The following YBEY variants were observed in gnomAD, a reference collection of about 807,000 sequenced individuals.
YBEY encodes the protein ybeY metalloendoribonuclease.
In YBEY, 15 loss-of-function variants were observed where a neutral mutation model predicts 13.5. That is an observed-to-expected ratio of 1.11 (90% CI 0.75 to 1.72). YBEY has a LOEUF of 1.72. YBEY is among the 40% of genes most tolerant of loss of function. YBEY has a pLI of 0.00. For synonymous variants in YBEY, 101 were observed against 83.1 expected, an observed-to-expected ratio of 1.21 and a Z score of -1.17; for missense variants, 244 against 208.4, an observed-to-expected ratio of 1.17 and a Z score of -1.05.
chr21:46,297,396 T>G, intron 4 of YBEY, 143 bp from the exon 5 acceptor site: 1 of 518,128 alleles, frequency 1.9e-6, no homozygotes, highest in Non-Finnish European at 2.5e-6. Flanking sequence ...CGGAGCCGGG[T>G]CCCGCCTTCG....
downstream of YBEY, among the ~76,000 whole-genome samples, chr21:46,298,642 G>A (rs556680416): frequency 4.8e-4 from 73 of 151,930 alleles, no homozygotes; most frequent in Admixed American, 7.9e-4. Flanking sequence ...TGTTAGCCAG[G>A]ATGGTCTCCA....
At chr21:46,290,728 A>C (rs1234599818) in intron 2 of YBEY, among the ~76,000 whole-genome samples, 1 of 150,248 alleles carries the variant, frequency 6.7e-6, no homozygotes, top group Admixed American at 6.7e-5. Context: ...GACCCATATG[A>C]TGAAACCCCA....
At chr21:46,295,649 G>A (rs10854481) in intron 3 of YBEY, among the ~76,000 whole-genome samples, 1 of 151,822 alleles carries the variant, frequency 6.6e-6, no homozygotes, top group African/African-American at 2.4e-5. Context: ...TACCTCTCCC[G>A]CACTCCCTGT....
At chr21:46,303,733 A>AT in the YBEY span, among the ~76,000 whole-genome samples, 1 of 32,232 alleles carries the variant, frequency 3.1e-5, no homozygotes, top group Non-Finnish European at 5.7e-5. Context: ...ATATATATAT[A>AT]TATATATATA....
downstream of YBEY, chr21:46,297,890 T>A: frequency 1.3e-6 from 1 of 789,658 alleles, no homozygotes; most frequent in Non-Finnish European, 1.7e-6. Flanking sequence ...TTCAAGGGGG[T>A]CCCTGCCCGG....
intron 3 of YBEY, among the ~76,000 whole-genome samples, chr21:46,293,181 G>C (rs2081808506): frequency 1.1e-5 from 1 of 87,622 alleles, no homozygotes; most frequent in Non-Finnish European, 2.6e-5. Flanking sequence ...TCCTCCCGCG[G>C]TTAGCCTGAC....
At chr21:46,296,548 T>G (rs1361434539) in intron 4 of YBEY, among the ~76,000 whole-genome samples, 1 of 152,146 alleles carries the variant, frequency 6.6e-6, no homozygotes, top group Non-Finnish European at 1.5e-5. Context: ...GAGCTCTGCG[T>G]GGAGTGAGTT....
At chr21:46,298,115 C>T (rs1368167779), downstream of YBEY, among the ~76,000 whole-genome samples, 1 of 152,262 alleles carries the variant, frequency 6.6e-6, no homozygotes, top group Non-Finnish European at 1.5e-5. Flanking sequence ...CCACGGACAC[C>T]GCTCTAGCCA....
chr21:46,294,702 C>G (rs2081889673), intron 3 of YBEY, among the ~76,000 whole-genome samples: 1 of 152,090 alleles, frequency 6.6e-6, no homozygotes, highest in South Asian at 2.1e-4. Flanking sequence ...AGTCAGCCAC[C>G]CCAGACCTCT....
downstream of YBEY, chr21:46,300,230 GA>G (rs2082070498): frequency 6.5e-6 from 1 of 152,742 alleles, no homozygotes; most frequent in African/African-American, 2.4e-5. Context: ...AGGAAATCAA[GA>G]CCATCCTGGC....
At chr21:46,312,390 C>T in the YBEY span, among the ~76,000 whole-genome samples, 7,828 of 152,216 alleles carry the variant, frequency 0.051, 289 homozygotes, top group Admixed American at 0.093. Flanking sequence ...ACAACCTCAG[C>T]TCACTGCAAC....
chr21:46,290,756 A>C (rs1166370037), intron 2 of YBEY, among the ~76,000 whole-genome samples: 1 of 150,746 alleles, frequency 6.6e-6, no homozygotes, highest in African/African-American at 2.4e-5. Flanking sequence ...TAAAAAATAC[A>C]AAAATTAGGC....
intron 3 of YBEY, chr21:46,291,708 T>C: frequency 1.6e-6 from 2 of 1,273,652 alleles, no homozygotes; most frequent in South Asian, 3.7e-5. Flanking sequence ...CTTCTCAGCT[T>C]TTATCTCTGG....
chr21:46,306,771 A>G, the YBEY span, among the ~76,000 whole-genome samples: 1 of 152,074 alleles, frequency 6.6e-6, no homozygotes, highest in African/African-American at 2.4e-5. Context: ...ATTTTTTTGT[A>G]GAGATGGAGT....
rs879543298 is a variant in YBEY, at chr21:46,288,878, C to T, written c.210+1755C>T. Reference sequence around the variant, plus strand: ...ACAAAAAATAAAAACAACAATTAGCCGGGCATGGTGGTGTGCAGAGCTGTC... The same window carrying T: ...ACAAAAAATAAAAACAACAATTAGCTGGGCATGGTGGTGTGCAGAGCTGTC... On this transcript the variant is annotated intron_variant, in intron 2 of 4. Transcript: ENST00000397701. 4.0e-5 allele frequency among the ~76,000 whole-genome samples: 6 copies of T among 151,894 alleles called. 1 individual carries two copies. Among genetic ancestry groups the T allele is most frequent in the East Asian group, 1.9e-4 (1 of 5,170 alleles).
At chr21:46,296,752 T>G (rs189801808) in intron 4 of YBEY, among the ~76,000 whole-genome samples, 1 of 151,686 alleles carries the variant, frequency 6.6e-6, no homozygotes, top group African/African-American at 2.4e-5. Flanking sequence ...CCCAGCACTT[T>G]GGGAGGCCGA....
chr21:46,303,724 TATATATATA>T, the YBEY span, among the ~76,000 whole-genome samples: 1 of 23,892 alleles, frequency 4.2e-5, no homozygotes, highest in Non-Finnish European at 8.1e-5. Context: ...TATATATATA[TATATATATA>T]TATATATATA....
At chr21:46,291,019 GAAA>G (rs1232426831) in intron 2 of YBEY, among the ~76,000 whole-genome samples, 2 of 130,002 alleles carry the variant, frequency 1.5e-5, no homozygotes, top group African/African-American at 2.9e-5. Flanking sequence ...TCTGTCTCAG[GAAA>G]AAAAAAAAAA....
chr21:46,299,611 T>A (rs184607801), downstream of YBEY, among the ~76,000 whole-genome samples: 1 of 152,158 alleles, frequency 6.6e-6, no homozygotes. Flanking sequence ...TGGAGTTGCA[T>A]TGAATCTGCA....
Sources: allele counts gnomAD v4.1 joint callset (sites outside exome capture counted in the v4.1 genomes callset), GRCh38; gene constraint gnomAD v4.1.1; transcripts MANE v1.5; gene names NCBI Gene and HGNC (gene_info 2026-07-23, HGNC 2026-07-21).